SPMIP2: variants seen among roughly 807,000 people sequenced by gnomAD.
The protein encoded by SPMIP2 is protein SPMIP2.
At chr4:159,019,731 G>A in the SPMIP2 span, among the ~76,000 whole-genome samples, 1 of 152,078 alleles carries the variant, frequency 6.6e-6, no homozygotes, top group Non-Finnish European at 1.5e-5. Context: ...GTGTGGCTGT[G>A]GCAGGAACAA....
At chr4:158,999,031 G>A in the SPMIP2 span, among the ~76,000 whole-genome samples, 1 of 151,970 alleles carries the variant, frequency 6.6e-6, no homozygotes, top group Non-Finnish European at 1.5e-5. Context: ...GGGCATGGTG[G>A]CACACACCTG....
chr4:158,915,421 C>T, the SPMIP2 span: 1 of 1,357,550 alleles, frequency 7.4e-7, no homozygotes, highest in Non-Finnish European at 1.0e-6. Flanking sequence ...CACCAGTTTT[C>T]AGATAGTTGA....
At chr4:158,973,129 G>GGT in the SPMIP2 span, 1 of 1,610,786 alleles carries the variant, frequency 6.2e-7, no homozygotes, top group Admixed American at 1.7e-5. Context: ...AAATTATACT[G>GGT]TGGTATTCTC....
chr4:158,944,061 G>A, the SPMIP2 span, among the ~76,000 whole-genome samples: 3 of 151,696 alleles, frequency 2.0e-5, no homozygotes, highest in South Asian at 2.1e-4. Flanking sequence ...TCACCATGTT[G>A]GCCAGGATGG....
At chr4:158,971,599 T>C in the SPMIP2 span, among the ~76,000 whole-genome samples, 1 of 152,208 alleles carries the variant, frequency 6.6e-6, no homozygotes, top group African/African-American at 2.4e-5. Context: ...GTCAGCCTGG[T>C]GCCAGGATCG....
the SPMIP2 span, among the ~76,000 whole-genome samples, chr4:159,009,759 C>T: frequency 6.6e-6 from 1 of 151,926 alleles, no homozygotes; most frequent in South Asian, 2.1e-4. Flanking sequence ...TCCCTTGGGC[C>T]CAGGGGTTTG....
chr4:158,962,551 C>A, the SPMIP2 span, among the ~76,000 whole-genome samples: 1 of 152,158 alleles, frequency 6.6e-6, no homozygotes, highest in Admixed American at 6.5e-5. Context: ...CTACGGCTAT[C>A]TTTTCTTATG....
At chr4:158,908,461 G>A in the SPMIP2 span, among the ~76,000 whole-genome samples, 15 of 152,298 alleles carry the variant, frequency 9.8e-5, no homozygotes, top group South Asian at 6.2e-4. Context: ...TGCAATTGTT[G>A]TATAAATTGA....
the SPMIP2 span, among the ~76,000 whole-genome samples, chr4:159,081,642 T>C: frequency 1.3e-5 from 2 of 151,946 alleles, no homozygotes; most frequent in South Asian, 4.2e-4. Context: ...GAGCCATGTT[T>C]GCTCTGCACT....
At chr4:158,978,015 GTGT>G in the SPMIP2 span, among the ~76,000 whole-genome samples, 1 of 152,094 alleles carries the variant, frequency 6.6e-6, no homozygotes, top group Non-Finnish European at 1.5e-5. Context: ...TGATGTTAGG[GTGT>G]TGTTTTAGAA....
At chr4:158,967,652 C>G in the SPMIP2 span, among the ~76,000 whole-genome samples, 2 of 152,124 alleles carry the variant, frequency 1.3e-5, no homozygotes, top group Admixed American at 1.3e-4. Flanking sequence ...TAATGAGACT[C>G]AAAACTGGTG....
chr4:158,896,310 G>A, the SPMIP2 span, among the ~76,000 whole-genome samples: 1 of 152,124 alleles, frequency 6.6e-6, no homozygotes, highest in African/African-American at 2.4e-5. Context: ...GCCTGCCTGC[G>A]TGTCTGTGGG....
chr4:159,002,495 A>G, the SPMIP2 span, among the ~76,000 whole-genome samples: 1 of 152,196 alleles, frequency 6.6e-6, no homozygotes, highest in South Asian at 2.1e-4. Flanking sequence ...TCCTGGCCTC[A>G]AGCATGAGCT....
the SPMIP2 span, among the ~76,000 whole-genome samples, chr4:159,052,955 A>ATTTTTT: frequency 7.6e-6 from 1 of 132,062 alleles, no homozygotes; most frequent in African/African-American, 3.0e-5. Context: ...TATTATTATT[A>ATTTTTT]TTTTTTTTTT....
At chr4:158,894,608 C>G in the SPMIP2 span, among the ~76,000 whole-genome samples, 3 of 152,052 alleles carry the variant, frequency 2.0e-5, no homozygotes, top group Non-Finnish European at 4.4e-5. Flanking sequence ...AGAAAGGGTT[C>G]AATGTAATAT....
the SPMIP2 span, among the ~76,000 whole-genome samples, chr4:159,051,401 G>A: frequency 6.6e-6 from 1 of 152,164 alleles, no homozygotes; most frequent in Admixed American, 6.5e-5. Context: ...CAGAAGAAAG[G>A]ATTACACCCA....
At chr4:159,062,389 G>A in the SPMIP2 span, among the ~76,000 whole-genome samples, 1 of 152,066 alleles carries the variant, frequency 6.6e-6, no homozygotes, top group Non-Finnish European at 1.5e-5. Flanking sequence ...CCATTATGAT[G>A]GAATGGGTAT....
the SPMIP2 span, among the ~76,000 whole-genome samples, chr4:158,923,559 A>G: frequency 1.3e-5 from 2 of 151,146 alleles, no homozygotes; most frequent in Non-Finnish European, 2.9e-5. Flanking sequence ...TTGATTTTGT[A>G]TCTTGATCTT....
chr4:158,980,368 GCCT>G, the SPMIP2 span, among the ~76,000 whole-genome samples: 2 of 152,138 alleles, frequency 1.3e-5, no homozygotes, highest in African/African-American at 4.8e-5. Context: ...AGGTCAAACT[GCCT>G]CCTCAACTGG....
Sources: allele counts gnomAD v4.1 joint callset (sites outside exome capture counted in the v4.1 genomes callset), GRCh38; gene constraint gnomAD v4.1.1; transcripts MANE v1.5; gene names NCBI Gene and HGNC (gene_info 2026-07-23, HGNC 2026-07-21).